The following DBT variants were observed in gnomAD, a reference collection of about 807,000 sequenced individuals.
DBT encodes the protein dihydrolipoamide branched chain transacylase E2.
A neutral mutation model predicts 51.3 loss-of-function variants in DBT; 40 were observed. The observed-to-expected ratio is 0.78, with a 90% confidence interval of 0.61 to 1.02. The LOEUF is 1.02. DBT is among the 50% of genes least tolerant of loss of function. The pLI, the probability that DBT is intolerant of heterozygous loss-of-function variation, is 0.00. For synonymous variants in DBT, 181 were observed against 190.4 expected, an observed-to-expected ratio of 0.95 and a Z score of 0.41; for missense variants, 510 against 580.2, an observed-to-expected ratio of 0.88 and a Z score of 1.24.
chr1:100,197,790 G>A (rs1297812137), intron 10 of DBT, among the ~76,000 whole-genome samples: 1 of 152,042 alleles, frequency 6.6e-6, no homozygotes, highest in African/African-American at 2.4e-5. Flanking sequence ...CAAGGAAAAC[G>A]AATACTGAGA....
Position 100,188,330 on chromosome 1 carries a change from G to C in DBT, c.*7925C>G, listed in dbSNP as rs866273208. 6.6e-6 allele frequency: 1 copy of C among 152,174 alleles called. No individual in the cohort carries two copies. Among genetic ancestry groups the C allele is most frequent in the African/African-American group, 2.4e-5 (1 of 41,426 alleles). 9.4% of individuals were successfully genotyped at this position (152,174 alleles called of 1,614,324 possible). A position where few individuals can be genotyped will look rare whatever the true frequency, so the allele number is the denominator to read the frequency against. ...CTTTGTTACTACAGTTTGAACTCCA[G>C]CTACATTTTTCTAAGAAATTAAATT... On this transcript the variant is annotated 3_prime_UTR_variant, in exon 11 of 11. Transcript: ENST00000370132.
rs867786286 is a variant in DBT at position 100,206,245 on chromosome 1, G to A, written c.1266C>T (p.Ala422=). 1.2e-6 allele frequency: 2 copies of A among 1,611,232 alleles called. No individual in the cohort carries two copies. The highest frequency in any genetic ancestry group is 1.1e-5 in the South Asian group (1 of 90,948). Residue 422 remains alanine, a synonymous_variant, in exon 10 of 11, where the codon GCC becomes GCT. Transcript: ENST00000370132. ...VIMPPEVAIG[A]LGSIKAIPRF... is the part of the protein sequence containing the mutation. ...ATACATGTACCTTAATTGATCCAAG[G>A]GCCCCAATGGCTACTTCAGGTGGCA...
Position 100,207,688 on chromosome 1 carries a change from A to T in DBT, c.1018-1052T>A, listed in dbSNP as rs556629923. On this transcript the variant is annotated intron_variant, in intron 8 of 10. Transcript: ENST00000370132. The stretch of plus-strand genomic sequence containing the variant: ...AAATTTTTTTTAATTAGCTACAAAA[A>T]TTTTTTTTTAAATTATGGCACATGC... Among the ~76,000 whole-genome samples the T allele has an allele frequency of 3.2e-4, 49 of 151,542 alleles. No individual in the cohort carries two copies. The East Asian group carries it at 4.7e-3, about 14-fold the overall frequency.
Position 100,189,527 on chromosome 1 carries a change from G to T in DBT, c.*6728C>A, listed in dbSNP as rs376170200. On this transcript the variant is annotated 3_prime_UTR_variant, in exon 11 of 11. Coordinates refer to ENST00000370132, the MANE Select transcript of DBT (RefSeq NM_001918.5). ...TAAAGCATTGGAATGAATGTCTGTAGATCAGGACAGAGGTGGGTTCAGAGA... is the reference window on the plus strand; with the variant it reads ...TAAAGCATTGGAATGAATGTCTGTATATCAGGACAGAGGTGGGTTCAGAGA... 9 of 152,258 alleles carry T rather than the reference G, an allele frequency of 5.9e-5. No individual in the cohort carries two copies. The highest frequency in any genetic ancestry group is 2.2e-4 in the African/African-American group (9 of 41,520). The allele number at this position is 152,258 out of a possible 1,614,324, so 9.4% of individuals were successfully genotyped here.
chr1:100,236,750 A>G (rs891930990), intron 2 of DBT, among the ~76,000 whole-genome samples: 1 of 152,234 alleles, frequency 6.6e-6, no homozygotes, highest in African/African-American at 2.4e-5. Flanking sequence ...CTGGAAATCA[A>G]TCTAAGTAAC....
chr1:100,213,299 C>T, intron 7 of DBT: 1 of 1,472,340 alleles, frequency 6.8e-7, no homozygotes, highest in Middle Eastern at 2.5e-4. Context: ...CGCCATGGAC[C>T]ACAAGACTCT....
At chr1:100,225,142 C>A (rs923925198) in intron 4 of DBT, among the ~76,000 whole-genome samples, 5 of 149,278 alleles carry the variant, frequency 3.3e-5, no homozygotes, top group Non-Finnish European at 7.4e-5. Flanking sequence ...TAAACCATCA[C>A]CATAATCAAG....
At chr1:100,218,088 T>C (rs1279668541) in intron 5 of DBT, among the ~76,000 whole-genome samples, 1 of 152,160 alleles carries the variant, frequency 6.6e-6, no homozygotes, top group Non-Finnish European at 1.5e-5. Flanking sequence ...GCAGAGGAAA[T>C]ACAAAAGGCC....
At chr1:100,237,281 G>A (rs550646008) in intron 2 of DBT, among the ~76,000 whole-genome samples, 65 of 152,268 alleles carry the variant, frequency 4.3e-4, no homozygotes, top group Middle Eastern at 3.4e-3. Flanking sequence ...TCAGACACAT[G>A]AGTGAGACCA....
intron 2 of DBT, among the ~76,000 whole-genome samples, chr1:100,239,478 G>GA (rs1664080433): frequency 6.6e-6 from 1 of 151,696 alleles, no homozygotes; most frequent in South Asian, 2.1e-4. Flanking sequence ...GGATGACATA[G>GA]AAAAAACATG....
At chr1:100,225,793 C>A (rs143273686) in intron 4 of DBT, among the ~76,000 whole-genome samples, 1 of 139,492 alleles carries the variant, frequency 7.2e-6, no homozygotes, top group Non-Finnish European at 1.5e-5. Context: ...CCACTGCACT[C>A]CAGCCTGGGA....
rs756694063 is a variant in DBT, at chr1:100,206,652, T to C, written c.1018-16A>G. 3 of 1,497,040 alleles carry C rather than the reference T, an allele frequency of 2.0e-6. No homozygotes were observed. Among genetic ancestry groups the C allele is most frequent in the Non-Finnish European group, 1.9e-6 (2 of 1,073,974 alleles). 92.7% of individuals were successfully genotyped at this position (1,497,040 alleles called of 1,614,324 possible). On this transcript the variant is annotated splice_polypyrimidine_tract_variant and intron_variant, in intron 8 of 10. Transcript: ENST00000370132. ...TATGAGAAGCCTAAAAAATAAAAAA[T>C]TGTACAGTAGGGCTTTTAATGAATA...
intron 1 of DBT, among the ~76,000 whole-genome samples, chr1:100,243,723 G>A (rs1368309675): frequency 6.6e-6 from 1 of 152,006 alleles, no homozygotes; most frequent in Non-Finnish European, 1.5e-5. Flanking sequence ...ATTTGTCCAA[G>A]GTCACACAGC....
chr1:100,191,098 T>C lies in DBT; in HGVS notation c.*5157A>G, dbSNP rs1334903538. On this transcript the variant is annotated 3_prime_UTR_variant, in exon 11 of 11. Transcript: ENST00000370132. Reference sequence around the variant, plus strand: ...GATTGGGAATTTTAACTTAACCTTTTACCTTTTACCATAATTAAGGTGCCA... The same window carrying C: ...GATTGGGAATTTTAACTTAACCTTTCACCTTTTACCATAATTAAGGTGCCA... 1.3e-5 allele frequency: 2 copies of C among 152,234 alleles called. No individual in the cohort carries two copies. Among genetic ancestry groups the C allele is most frequent in the Non-Finnish European group, 2.9e-5 (2 of 68,044 alleles). 9.4% of individuals were successfully genotyped at this position (152,234 alleles called of 1,614,324 possible). A position where few individuals can be genotyped will look rare whatever the true frequency, so the allele number is the denominator to read the frequency against.
intron 4 of DBT, among the ~76,000 whole-genome samples, chr1:100,221,206 C>G (rs1662840150): frequency 6.6e-6 from 1 of 152,108 alleles, no homozygotes; most frequent in African/African-American, 2.4e-5. Flanking sequence ...ATATGAATGA[C>G]AAACTTACTT....
intron 4 of DBT, among the ~76,000 whole-genome samples, chr1:100,226,801 T>G (rs1175404734): frequency 6.6e-6 from 1 of 152,186 alleles, no homozygotes. Flanking sequence ...AACAGGACAA[T>G]GTTAATAGAA....
In DBT at chr1:100,213,877, C is replaced by T. The variant is rs147883553; in HGVS notation, c.939+940G>A. ...AGGCTCATGACAACTCAATGAAGCA[C>T]TGCTTTTATTTTTTGCAGTCTTCAA... is the stretch of plus-strand genomic sequence containing the variant. On this transcript the variant is annotated intron_variant, in intron 7 of 10. Coordinates refer to ENST00000370132, the MANE Select transcript of DBT (RefSeq NM_001918.5). Among the ~76,000 whole-genome samples, 5 of 149,336 alleles carry T rather than the reference C, an allele frequency of 3.3e-5. No homozygotes were observed. In the East Asian group the frequency reaches 9.8e-4, roughly 29 times the overall value.
Position 100,240,763 on chromosome 1 carries a change from G to A in DBT, c.173C>T (p.Ala58Val). The A allele has an allele frequency of 6.3e-7, 1 of 1,595,150 alleles. No homozygotes were observed. The highest frequency in any genetic ancestry group is 8.6e-7 in the Non-Finnish European group (1 of 1,164,100). Residue 58 changes from alanine to valine, a missense_variant and splice_region_variant, in exon 2 of 11, where the codon GCT (alanine) becomes GTT (valine). By Grantham distance (64) the Ala-to-Val change is moderately conservative (BLOSUM62 0). Coordinates refer to ENST00000370132, the MANE Select transcript of DBT (RefSeq NM_001918.5). The part of the protein sequence containing the change: ...SHPHHFLKTT[A>V]ALRGQVVQFK... The stretch of plus-strand genomic sequence containing the variant: ...CGTTATTTTGAAATCATACTTACCA[G>A]CAGTTGTTTTCAGGAAGTGATGTGG...
chr1:100,214,802 A>G lies in DBT; in HGVS notation c.939+15T>C, dbSNP rs1320194091. On this transcript the variant is annotated intron_variant, in intron 7 of 10. Coordinates refer to ENST00000370132, the MANE Select transcript of DBT (RefSeq NM_001918.5). ...ATGTCCTACTCAAGCCTTGTTTGAA[A>G]TGAATGAATCTCACCTTTAAGAAGA... The G allele has an allele frequency of 6.2e-7, 1 of 1,613,316 alleles. No individual in the cohort carries two copies. Among genetic ancestry groups the G allele is most frequent in the Non-Finnish European group, 8.5e-7 (1 of 1,179,260 alleles).
Sources: gnomAD v4.1 joint callset for allele counts (sites outside exome capture counted in the v4.1 genomes callset) on GRCh38, gnomAD v4.1.1 for gene constraint, MANE v1.5 for transcripts, NCBI Gene and HGNC (gene_info 2026-07-23, HGNC 2026-07-21) for gene names.